MCM2: variants seen among roughly 807,000 people sequenced by gnomAD.
MCM2 encodes the protein DNA replication licensing factor MCM2.
A neutral mutation model predicts 86.4 loss-of-function variants in MCM2; 49 were observed. That is an observed-to-expected ratio of 0.57 (90% CI 0.45 to 0.72). The LOEUF is 0.72. Among genes scored for constraint, MCM2 ranks in the 30% least tolerant of loss-of-function variants. The pLI, the probability that MCM2 is intolerant of heterozygous loss-of-function variation, is 0.00. For synonymous variants in MCM2, 475 were observed against 484.6 expected, an observed-to-expected ratio of 0.98 and a Z score of 0.26; for missense variants, 1,038 against 1,259.9, an observed-to-expected ratio of 0.82 and a Z score of 2.67.
At chr3:127,609,067 G>A in intron 8 of MCM2, 44 bp downstream of exon 8, 1 of 1,596,060 alleles carries the variant, frequency 6.3e-7, no homozygotes, top group Non-Finnish European at 8.5e-7. Context: ...TGCTGTGAGA[G>A]GATATGGAGG....
At position 127,606,606 on chromosome 3, in the gene MCM2, G is replaced by A. The variant is rs751486459; in HGVS notation, c.894-4G>A. The A allele has an allele frequency of 2.6e-5, 42 of 1,613,272 alleles. No homozygotes were observed. The highest frequency in any genetic ancestry group is 1.5e-4 in the African/African-American group (11 of 74,926). On this transcript the variant is annotated splice_region_variant and splice_polypyrimidine_tract_variant and intron_variant, in intron 5 of 15. Transcript: ENST00000265056. This position sits in a 1 kb window ranked among gnomAD's most constrained non-coding sequence, Gnocchi z 4.2. Reference sequence around the variant, plus strand: ...GGCTTCTGATGCACCCTCTGCCTCCGCAGGCAGCTGCATCTGAACCAGCTG... The same window carrying A: ...GGCTTCTGATGCACCCTCTGCCTCCACAGGCAGCTGCATCTGAACCAGCTG...
At chr3:127,604,506 G>A in intron 2 of MCM2, 102 bp from the exon 3 acceptor site, 1 of 1,213,638 alleles carries the variant, frequency 8.2e-7, no homozygotes. Context: ...ACCCACAATG[G>A]GGCTCCTGAA....
At chr3:127,603,652 A>AT (rs1022429917) in intron 2 of MCM2, among the ~76,000 whole-genome samples, 2 of 142,480 alleles carry the variant, frequency 1.4e-5, no homozygotes, top group African/African-American at 2.6e-5. Flanking sequence ...GGCCTGGGTT[A>AT]TTTTTTTTTT....
chr3:127,615,807 G>C, intron 8 of MCM2, 55 bp from the exon 9 acceptor site: 1 of 1,295,522 alleles, frequency 7.7e-7, no homozygotes, highest in African/African-American at 1.5e-5. Flanking sequence ...GCATGTGGGT[G>C]ACCTACTCTG....
Position 127,606,875 on chromosome 3 carries a change from A to G in MCM2, c.1101+58A>G. ...TCCTTAGGGGTGCCCAGTATGCAGG[A>G]CCTGACTGGCCTCTCAGGCTGTGGA... On this transcript the variant is annotated intron_variant, in intron 6 of 15. Coordinates refer to ENST00000265056, the MANE Select transcript of MCM2 (RefSeq NM_004526.4). This position sits in a 1 kb window ranked among gnomAD's most constrained non-coding sequence, Gnocchi z 4.2. 1.3e-6 allele frequency: 2 copies of G among 1,538,622 alleles called. No homozygotes were observed. The highest frequency in any genetic ancestry group is 1.8e-6 in the Non-Finnish European group (2 of 1,113,420).
chr3:127,617,002 G>T lies in MCM2; in HGVS notation c.1657G>T (p.Ala553Ser). ...AIFTTGQGAS[A>S]VGLTAYVQRH... ...CTTCACCACTGGCCAGGGGGCGTCG[G>T]CTGTGGGCCTCACGGCGTATGTCCA... The change falls in exon 10 of 16, where the codon GCT becomes TCT. Residue 553 changes from alanine (A) to serine (S), a missense_variant. Physicochemically the swap from Ala to Ser is moderately conservative, Grantham distance 99. This residue lies in a region of MCM2 where 399 missense variants were observed against 507.2 expected (regional missense o/e 0.79). Transcript: ENST00000265056. The surrounding 1 kb of genome is among the most constrained non-coding windows in gnomAD (Gnocchi z 4.1). 6.2e-7 allele frequency: 1 copy of T among 1,614,184 alleles called. No homozygotes were observed. Among genetic ancestry groups the T allele is most frequent in the Non-Finnish European group, 8.5e-7 (1 of 1,180,054 alleles).
rs1279420151 is a variant in MCM2 at position 127,621,045 on chromosome 3, G to A, written c.2449-28G>A. 1.9e-6 allele frequency: 3 copies of A among 1,612,512 alleles called. No individual in the cohort carries two copies. In the East Asian group the frequency reaches 6.7e-5, roughly 36 times the overall value. On this transcript the variant is annotated intron_variant, in intron 14 of 15. Transcript: ENST00000265056. The stretch of plus-strand genomic sequence containing the variant: ...AGTGTGGCAGGCGTAGTGGGAGCGG[G>A]TGTTTGACTGAGGCTTTTTTCCTGC...
At chr3:127,613,502 T>TGATGAATA in intron 8 of MCM2, among the ~76,000 whole-genome samples, 1 of 152,170 alleles carries the variant, frequency 6.6e-6, no homozygotes, top group Non-Finnish European at 1.5e-5. Context: ...ATGAATAAAC[T>TGATGAATA]AAGGCACAAA....
At chr3:127,621,260 G>A (rs772225938) in intron 15 of MCM2, 32 bp downstream of exon 15, 1 of 1,610,958 alleles carries the variant, frequency 6.2e-7, no homozygotes, top group South Asian at 1.1e-5. Flanking sequence ...GAGGGTTGGG[G>A]TATGCTGACT....
Position 127,617,160 on chromosome 3 carries a change from G to A in MCM2, c.1773+42G>A, listed in dbSNP as rs1207070840. ...CGGAGGCTGGTGGAACTCAGGGGGT[G>A]TGTGTGGGCTTGGGCCTTAGCGACG... On this transcript the variant is annotated intron_variant, in intron 10 of 15. Transcript: ENST00000265056. The surrounding 1 kb of genome is among the most constrained non-coding windows in gnomAD (Gnocchi z 4.1). 1.9e-6 allele frequency: 3 copies of A among 1,607,594 alleles called. No homozygotes were observed. Among genetic ancestry groups the A allele is most frequent in the African/African-American group, 2.7e-5 (2 of 74,784 alleles).
At chr3:127,610,016 T>C (rs112389470) in intron 8 of MCM2, among the ~76,000 whole-genome samples, 5 of 152,000 alleles carry the variant, frequency 3.3e-5, no homozygotes, top group African/African-American at 9.7e-5. Flanking sequence ...GACTAATTTT[T>C]GTATTTTTAG....
chr3:127,616,005 G>T lies in MCM2; in HGVS notation c.1522+50G>T. The T allele has an allele frequency of 7.1e-7, 1 of 1,404,958 alleles. No homozygotes were observed. The allele number at this position is 1,404,958 out of a possible 1,614,324, so 87.0% of individuals were successfully genotyped here. A position where few individuals can be genotyped will look rare whatever the true frequency, so the allele number is the denominator to read the frequency against. On this transcript the variant is annotated intron_variant, in intron 9 of 15. Transcript: ENST00000265056. Reference sequence around the variant, plus strand: ...GGGGTGTTAGCAGCTTTCTCTTTGGGGAGCCAGCATTCAAAGAAGGACACA... The same window carrying T: ...GGGGTGTTAGCAGCTTTCTCTTTGGTGAGCCAGCATTCAAAGAAGGACACA...
chr3:127,610,711 TA>T (rs2074388746), intron 8 of MCM2: 2 of 448,216 alleles, frequency 4.5e-6, no homozygotes, highest in African/African-American at 4.0e-5. Context: ...TGCTGCAGGC[TA>T]GACGCAAACC....
intron 8 of MCM2, chr3:127,610,651 G>A (rs936506176): frequency 6.0e-5 from 23 of 385,814 alleles, no homozygotes; most frequent in South Asian, 3.4e-4. Context: ...TTTGTGTCTC[G>A]GTTCCTTTTC....
At chr3:127,613,140 C>T (rs1036174594) in intron 8 of MCM2, among the ~76,000 whole-genome samples, 1 of 152,170 alleles carries the variant, frequency 6.6e-6, no homozygotes, top group Non-Finnish European at 1.5e-5. Context: ...GCAGTGGTTG[C>T]TTTACAGGAG....
At position 127,619,193 on chromosome 3, in the gene MCM2, C is replaced by T; in HGVS notation, c.2180C>T (p.Ala727Val). 6.2e-7 allele frequency: 1 copy of T among 1,614,156 alleles called. No individual in the cohort carries two copies. Among genetic ancestry groups the T allele is most frequent in the Non-Finnish European group, 8.5e-7 (1 of 1,180,046 alleles). Residue 727 changes from alanine (A) to valine (V), a missense_variant, in exon 13 of 16, where the codon GCC (alanine) becomes GTC (valine). Transcript: ENST00000265056. ...GTCCTGAAGAAGTACATCATCTACG[C>T]CAAGGAGAGGGTCCACCCGAAGCTC... ...QEVLKKYIIY[A>V]KERVHPKLNQ...
Position 127,604,974 on chromosome 3 carries a change from A to G in MCM2, c.491A>G (p.Asp164Gly). Reference protein sequence around the residue: ...VERATEDGEEDEEMIESIENL... With the variant: ...VERATEDGEEGEEMIESIENL... ...CGGGCCACGGAGGACGGCGAGGAGG[A>G]CGAGGAGATGATCGAGAGCATCGAG... Residue 164 changes from aspartate (D) to glycine (G), a missense_variant, in exon 4 of 16, where the codon GAC becomes GGC. Asp to Gly is a moderately conservative substitution (Grantham distance 94, BLOSUM62 -1). Coordinates refer to ENST00000265056, the MANE Select transcript of MCM2 (RefSeq NM_004526.4). The G allele has an allele frequency of 6.2e-7, 1 of 1,613,888 alleles. No homozygotes were observed. The highest frequency in any genetic ancestry group is 1.3e-5 in the African/African-American group (1 of 75,062).
rs2074439928 is a variant in MCM2 at position 127,617,187 on chromosome 3, G to T, written c.1773+69G>T. 1.9e-6 allele frequency: 3 copies of T among 1,604,182 alleles called. No homozygotes were observed. The highest frequency in any genetic ancestry group is 2.2e-5 in the South Asian group (2 of 90,096). On this transcript the variant is annotated intron_variant, in intron 10 of 15. Transcript: ENST00000265056. This position sits in a 1 kb window ranked among gnomAD's most constrained non-coding sequence, Gnocchi z 4.1. ...GTGTGGGCTTGGGCCTTAGCGACGG[G>T]AATGGTGTTAATGGGGTCCATTGGG... is the stretch of plus-strand genomic sequence containing the variant.
Position 127,621,810 on chromosome 3 carries a change from G to A in MCM2, c.*37G>A. On this transcript the variant is annotated 3_prime_UTR_variant, in exon 16 of 16. Transcript: ENST00000265056. ...ATCCATAAGGATTCCTTGGGATTCT[G>A]GTTTGGGGTGGTCAGTGCCCTCTGT... 2.0e-6 allele frequency: 3 copies of A among 1,532,500 alleles called. No homozygotes were observed. The highest frequency in any genetic ancestry group is 2.7e-6 in the Non-Finnish European group (3 of 1,109,090). The allele number at this position is 1,532,500 out of a possible 1,614,324, so 94.9% of individuals were successfully genotyped here.
Sources: gnomAD v4.1 joint callset for allele counts (sites outside exome capture counted in the v4.1 genomes callset) on GRCh38, gnomAD v4.1.1 for gene constraint, gnomAD v4.1.1 regional missense constraint, Gnocchi (gnomAD v3.1) non-coding constraint, MANE v1.5 for transcripts, NCBI Gene and HGNC (gene_info 2026-07-23, HGNC 2026-07-21) for gene names.